The following RDX variants were observed in gnomAD, a reference collection of about 807,000 sequenced individuals.
RDX encodes radixin.
In RDX, 32 loss-of-function variants were observed where a neutral mutation model predicts 83.7. The observed-to-expected ratio is 0.38, with a 90% CI of 0.29 to 0.51. The LOEUF is 0.51. Among genes scored for constraint, RDX ranks in the 20% least tolerant of loss-of-function variants. The pLI, the probability that RDX is intolerant of heterozygous loss-of-function variation, is 0.87. For synonymous variants in RDX, 229 were observed against 222.7 expected (o/e 1.03, Z -0.25); for missense variants, 600 against 689.9 (o/e 0.87, Z 1.46).
In RDX at chr11:110,210,940, G is replaced by A. The variant is rs551572891; in HGVS notation, c.1749-11262C>T. 8.9e-3 allele frequency among the ~76,000 whole-genome samples: 1,344 copies of A among 151,060 alleles called. 12 individuals carry two copies. Among genetic ancestry groups the A allele is most frequent in the Middle Eastern group, 0.031 (9 of 294 alleles). On this transcript the variant is annotated intron_variant, in intron 14 of 15. Transcript: ENST00000528498. Reference sequence around the variant, plus strand: ...AGGAAGAAACTGCATCAACTAACGAGCAAAATAACCAGCTAACATCATAAT... The same window carrying A: ...AGGAAGAAACTGCATCAACTAACGAACAAAATAACCAGCTAACATCATAAT...
chr11:110,295,653 A>C (rs200475545), intron 1 of RDX, among the ~76,000 whole-genome samples: 2 of 150,856 alleles, frequency 1.3e-5, no homozygotes, highest in Admixed American at 6.6e-5. Context: ...AAAAAAAAAA[A>C]AAAACAAAAA....
chr11:110,212,102 A>G (rs1188384905), intron 14 of RDX, among the ~76,000 whole-genome samples: 6 of 144,362 alleles, frequency 4.2e-5, no homozygotes, highest in African/African-American at 7.7e-5. Context: ...ACTAATAAAG[A>G]AAAAAAGAGA....
intron 14 of RDX, among the ~76,000 whole-genome samples, chr11:110,217,110 A>G (rs555025666): frequency 1.3e-5 from 2 of 152,340 alleles, no homozygotes; most frequent in African/African-American, 4.8e-5. Context: ...ACAGAGGAAC[A>G]AGAGGAGCTA....
intron 15 of RDX, among the ~76,000 whole-genome samples, chr11:110,175,484 C>T (rs1221247165): frequency 6.6e-6 from 1 of 152,150 alleles, no homozygotes; most frequent in Non-Finnish European, 1.5e-5. Context: ...TTCCTAGTTC[C>T]CCAGGAGAAC....
At chr11:110,196,327 G>A (rs999578852) in intron 15 of RDX, among the ~76,000 whole-genome samples, 1 of 152,238 alleles carries the variant, frequency 6.6e-6, no homozygotes, top group Non-Finnish European at 1.5e-5. Flanking sequence ...ATGGTTGAGT[G>A]ATGAAGGGGA....
chr11:110,270,142 AG>A (rs1482109866), intron 3 of RDX, among the ~76,000 whole-genome samples: 4 of 152,066 alleles, frequency 2.6e-5, no homozygotes, highest in African/African-American at 9.7e-5. Context: ...GTGTGTAGTC[AG>A]GGTTGCTTAA....
At chr11:110,285,242 G>C (rs1392741993) in intron 1 of RDX, among the ~76,000 whole-genome samples, 2 of 151,792 alleles carry the variant, frequency 1.3e-5, no homozygotes, top group Non-Finnish European at 2.9e-5. Context: ...CAAAAAATTA[G>C]CTGGGTGTGG....
intron 5 of RDX, among the ~76,000 whole-genome samples, chr11:110,259,230 G>A (rs930200199): frequency 3.9e-5 from 6 of 152,050 alleles, no homozygotes; most frequent in East Asian, 1.9e-4. Flanking sequence ...GAGCTACCAC[G>A]CCCAGCCAAA....
chr11:110,258,002 T>TA, intron 6 of RDX, 89 bp from the exon 7 acceptor site: 1 of 1,476,832 alleles, frequency 6.8e-7, no homozygotes, highest in Non-Finnish European at 9.4e-7. Flanking sequence ...ATTAGTACTT[T>TA]ACATAAGTCA....
At chr11:110,184,843 A>T (rs945258477) in intron 15 of RDX, among the ~76,000 whole-genome samples, 2 of 152,172 alleles carry the variant, frequency 1.3e-5, no homozygotes, top group Non-Finnish European at 2.9e-5. Flanking sequence ...GAATGATGTC[A>T]ATTATATAAA....
At chr11:110,255,240 T>A (rs1485102357) in intron 8 of RDX, 49 bp downstream of exon 8, 2 of 949,026 alleles carry the variant, frequency 2.1e-6, no homozygotes, top group Non-Finnish European at 3.4e-6. Flanking sequence ...CATGGGAAAC[T>A]AGCAGATATT....
chr11:110,281,582 C>G (rs796884972), intron 1 of RDX, among the ~76,000 whole-genome samples: 9 of 152,290 alleles, frequency 5.9e-5, no homozygotes, highest in African/African-American at 2.2e-4. Context: ...CGGCCTTGGC[C>G]TCCCGAAGTG....
chr11:110,225,683 C>A (rs1864408350), downstream of RDX, among the ~76,000 whole-genome samples: 1 of 151,988 alleles, frequency 6.6e-6, no homozygotes. Context: ...AAAATTAGAA[C>A]CTTGTGCACC....
At chr11:110,207,473 T>C (rs1863648332) in intron 14 of RDX, among the ~76,000 whole-genome samples, 1 of 152,130 alleles carries the variant, frequency 6.6e-6, no homozygotes, top group Non-Finnish European at 1.5e-5. Flanking sequence ...CACATCAAAA[T>C]ATTAATAGTC....
chr11:110,201,565 A>T (rs1863403442), intron 14 of RDX, among the ~76,000 whole-genome samples: 1 of 152,212 alleles, frequency 6.6e-6, no homozygotes, highest in Non-Finnish European at 1.5e-5. Context: ...AGGCAGCAGC[A>T]ACTGAAGGGT....
At chr11:110,277,101 T>C (rs1207403755) in intron 2 of RDX, among the ~76,000 whole-genome samples, 1 of 152,176 alleles carries the variant, frequency 6.6e-6, no homozygotes, top group African/African-American at 2.4e-5. Flanking sequence ...GTTCTATACT[T>C]CCAGAATCTT....
At chr11:110,204,242 GT>G (rs1377237117) in intron 14 of RDX, among the ~76,000 whole-genome samples, 1 of 148,586 alleles carries the variant, frequency 6.7e-6, no homozygotes, top group African/African-American at 2.5e-5. Context: ...ATGAAACAAG[GT>G]TCCTTAATTT....
intron 15 of RDX, among the ~76,000 whole-genome samples, chr11:110,178,477 A>G (rs574227976): frequency 6.6e-6 from 1 of 152,164 alleles, no homozygotes; most frequent in African/African-American, 2.4e-5. Flanking sequence ...CTATTACATC[A>G]GTTGGCTTCT....
chr11:110,296,015 C>T (rs1372282269), intron 1 of RDX, among the ~76,000 whole-genome samples: 1 of 152,238 alleles, frequency 6.6e-6, no homozygotes, highest in African/African-American at 2.4e-5. Flanking sequence ...AATGTAAAAT[C>T]GAATTCTACC....
Sources: gnomAD v4.1 joint callset for allele counts (sites outside exome capture counted in the v4.1 genomes callset) on GRCh38, gnomAD v4.1.1 for gene constraint, MANE v1.5 for transcripts, NCBI Gene and HGNC (gene_info 2026-07-23, HGNC 2026-07-21) for gene names.